Variants in CEP120 observed in about 807,000 individuals in gnomAD.
CEP120 encodes the protein centrosomal protein of 120 kDa.
Under a neutral mutation model 126.5 loss-of-function variants are expected in CEP120, and 113 were observed. The observed-to-expected ratio is 0.89, with a 90% CI of 0.77 to 1.04. The LOEUF is 1.04. CEP120 is among the 50% of genes least tolerant of loss of function. The pLI, the probability that CEP120 is intolerant of heterozygous loss-of-function variation, is 0.00. For synonymous variants in CEP120, 400 were observed against 394.3 expected (o/e 1.01, Z -0.17); for missense variants, 1,230 against 1,155.7 (o/e 1.06, Z -0.93).
intron 9 of CEP120, 72 bp downstream of exon 9, chr5:123,388,360 C>G: frequency 9.5e-7 from 1 of 1,050,494 alleles, no homozygotes; most frequent in South Asian, 2.1e-5. Flanking sequence ...ACATTTCTCT[C>G]TGCAATTCCC....
intron 1 of CEP120, among the ~76,000 whole-genome samples, chr5:123,420,186 A>G (rs1327856736): frequency 1.3e-5 from 2 of 152,212 alleles, no homozygotes; most frequent in African/African-American, 4.8e-5. Context: ...GCTCCAAAAG[A>G]TACCTAGCTT....
At chr5:123,376,405 C>T (rs758241691) in intron 16 of CEP120, among the ~76,000 whole-genome samples, 2 of 152,058 alleles carry the variant, frequency 1.3e-5, no homozygotes, top group Non-Finnish European at 2.9e-5. Context: ...GTACACAGCA[C>T]AGGCACAAGA....
At chr5:123,348,713 T>G (rs1768998007) in intron 19 of CEP120, among the ~76,000 whole-genome samples, 1 of 152,158 alleles carries the variant, frequency 6.6e-6, no homozygotes, top group Non-Finnish European at 1.5e-5. Context: ...CCTGTCAAAT[T>G]CAGATGTTGA....
chr5:123,354,666 C>A (rs925210181), intron 18 of CEP120, among the ~76,000 whole-genome samples: 6 of 151,956 alleles, frequency 3.9e-5, no homozygotes, highest in African/African-American at 1.4e-4. Context: ...AAATGCCTCT[C>A]GCCCTATAAG....
chr5:123,398,384 C>T (rs1258381725), intron 5 of CEP120, among the ~76,000 whole-genome samples: 3 of 152,148 alleles, frequency 2.0e-5, no homozygotes, highest in Non-Finnish European at 4.4e-5. Context: ...AAGGCCCAGA[C>T]CACTCTTTTA....
chr5:123,393,210 G>C, intron 6 of CEP120, 90 bp downstream of exon 6: 2 of 1,154,848 alleles, frequency 1.7e-6, no homozygotes, highest in Non-Finnish European at 2.6e-6. Context: ...ATAGGATTAA[G>C]TTTAGGTACT....
chr5:123,414,727 G>A (rs1231123857), intron 3 of CEP120, among the ~76,000 whole-genome samples: 1 of 152,044 alleles, frequency 6.6e-6, no homozygotes, highest in African/African-American at 2.4e-5. Flanking sequence ...AACACTCTGG[G>A]AGGCCAAGGC....
At position 123,349,495 on chromosome 5, in the gene CEP120, T is replaced by C. The variant is rs565191459; in HGVS notation, c.2726+449A>G. Among the ~76,000 whole-genome samples, 4 of 152,314 alleles carry C rather than the reference T, an allele frequency of 2.6e-5. No homozygotes were observed. In the South Asian group the frequency reaches 8.3e-4, roughly 32 times the overall value. On this transcript the variant is annotated intron_variant, in intron 19 of 19. Transcript: ENST00000306467. ...TTATATAAGTGAAGACTCAGTTTAA[T>C]AGTAGCAATAATCCTGATATCATCA...
chr5:123,364,153 G>C (rs1346903997), intron 18 of CEP120, among the ~76,000 whole-genome samples: 1 of 151,430 alleles, frequency 6.6e-6, no homozygotes, highest in Non-Finnish European at 1.5e-5. Context: ...AAATGTTCAA[G>C]TTATCCTTAA....
chr5:123,399,014 C>G (rs975169356), intron 5 of CEP120, 122 bp downstream of exon 5: 18 of 622,052 alleles, frequency 2.9e-5, no homozygotes, highest in Non-Finnish European at 1.3e-5. Flanking sequence ...ATGTTTTGAA[C>G]TCATTTTTCA....
intron 16 of CEP120, among the ~76,000 whole-genome samples, chr5:123,373,782 AGG>A (rs1771021967): frequency 6.6e-6 from 1 of 152,136 alleles, no homozygotes; most frequent in African/African-American, 2.4e-5. Context: ...TGGAACTATA[AGG>A]CCTCCACAGT....
At chr5:123,383,704 A>T (rs1349886164) in intron 11 of CEP120, among the ~76,000 whole-genome samples, 1 of 152,116 alleles carries the variant, frequency 6.6e-6, no homozygotes, top group Non-Finnish European at 1.5e-5. Context: ...ATTGGCACAT[A>T]AGCAATGCTT....
intron 18 of CEP120, among the ~76,000 whole-genome samples, chr5:123,361,802 A>G (rs1770096317): frequency 6.6e-6 from 1 of 151,788 alleles, no homozygotes; most frequent in African/African-American, 2.4e-5. Context: ...CCATTTACTG[A>G]GCACATACTA....
At chr5:123,374,882 C>T (rs1341118456) in intron 16 of CEP120, among the ~76,000 whole-genome samples, 1 of 152,116 alleles carries the variant, frequency 6.6e-6, no homozygotes, top group Non-Finnish European at 1.5e-5. Flanking sequence ...GGCTATAAAG[C>T]AGTAAGCTAT....
intron 4 of CEP120, among the ~76,000 whole-genome samples, chr5:123,399,536 AG>A (rs1773035155): frequency 6.6e-6 from 1 of 152,204 alleles, no homozygotes; most frequent in South Asian, 2.1e-4. Flanking sequence ...CACATAGAAA[AG>A]GCATCTAACA....
In CEP120 at chr5:123,399,247, A is replaced by G. The variant is rs1055807938; in HGVS notation, c.501T>C (p.Ile167=). Residue 167 remains isoleucine, a synonymous_variant, in exon 5 of 20, where the codon ATT becomes ATC. Transcript: ENST00000306467. ...AILAGLDPRD[I]VAVLNEEGGY... is the part of the protein sequence containing the mutation. ...CTCCCTCTTCATTCAGCACAGCCACAATGTCCCTGGGGTCAAGTCCAGCCA... is the reference window on the plus strand; with the variant it reads ...CTCCCTCTTCATTCAGCACAGCCACGATGTCCCTGGGGTCAAGTCCAGCCA... The G allele has an allele frequency of 6.2e-7, 1 of 1,614,036 alleles. No individual in the cohort carries two copies. Among genetic ancestry groups the G allele is most frequent in the Admixed American group, 1.7e-5 (1 of 60,004 alleles).
At chr5:123,419,553 C>CAAAAAAA (rs566909063) in intron 1 of CEP120, among the ~76,000 whole-genome samples, 2 of 135,256 alleles carry the variant, frequency 1.5e-5, no homozygotes, top group Non-Finnish European at 3.2e-5. Flanking sequence ...AAAACAAAAA[C>CAAAAAAA]AAAAAAAAAA....
intron 18 of CEP120, among the ~76,000 whole-genome samples, chr5:123,364,187 A>C (rs1442073808): frequency 1.3e-5 from 2 of 151,566 alleles, no homozygotes; most frequent in African/African-American, 4.8e-5. Flanking sequence ...AAGCACTCCC[A>C]GTGGAAAGTT....
chr5:123,368,468 A>G (rs1770625680), intron 17 of CEP120, among the ~76,000 whole-genome samples: 1 of 152,006 alleles, frequency 6.6e-6, no homozygotes, highest in African/African-American at 2.4e-5. Context: ...AGCTGGATTC[A>G]AGTTCACTGG....
Sources: gnomAD v4.1 joint callset for allele counts (sites outside exome capture counted in the v4.1 genomes callset) on GRCh38, gnomAD v4.1.1 for gene constraint, MANE v1.5 for transcripts, NCBI Gene and HGNC (gene_info 2026-07-23, HGNC 2026-07-21) for gene names.